NXN: variants seen among roughly 807,000 people sequenced by gnomAD.
The protein encoded by NXN is nucleoredoxin.
NXN carries 16 observed loss-of-function variants against 48.6 expected under a neutral mutation model. The observed-to-expected ratio is 0.33, with a 90% confidence interval of 0.22 to 0.50. The LOEUF (loss-of-function observed/expected upper bound fraction) is 0.50, where lower values mean the gene tolerates loss of function less well. Among genes scored for constraint, NXN ranks in the 20% least tolerant of loss-of-function variants. The pLI, the probability that NXN is intolerant of heterozygous loss-of-function variation, is 0.98. For synonymous variants in NXN, 281 were observed against 269.6 expected (o/e 1.04, Z -0.41); for missense variants, 492 against 605.5 (o/e 0.81, Z 1.97).
chr17:886,073 A>C (rs1247270827), intron 1 of NXN, among the ~76,000 whole-genome samples: 2 of 151,978 alleles, frequency 1.3e-5, no homozygotes, highest in African/African-American at 4.8e-5. Context: ...ACCACACAAA[A>C]GGCACAAAGA....
At chr17:801,403 C>T (rs1318115911) in intron 7 of NXN, among the ~76,000 whole-genome samples, 1 of 149,306 alleles carries the variant, frequency 6.7e-6, no homozygotes, top group African/African-American at 2.5e-5. Context: ...AGCATCAACA[C>T]CATTTTAATA....
intron 1 of NXN, chr17:863,903 G>C: frequency 1.4e-6 from 2 of 1,407,790 alleles, no homozygotes; most frequent in South Asian, 2.5e-5. Flanking sequence ...CTCTGTAGAG[G>C]TTTATGTCAG....
intron 1 of NXN, among the ~76,000 whole-genome samples, chr17:937,340 G>A (rs117663314): frequency 0.027 from 4,116 of 152,106 alleles, 77 homozygotes; most frequent in Non-Finnish European, 0.041. Context: ...AGAGGGAAGC[G>A]GCCAGAGGAA....
At chr17:882,340 G>GTCC (rs1292878490) in intron 1 of NXN, among the ~76,000 whole-genome samples, 1 of 151,968 alleles carries the variant, frequency 6.6e-6, no homozygotes, top group East Asian at 1.9e-4. Flanking sequence ...AAACCTGGCA[G>GTCC]TCCTTCCCCA....
chr17:820,335 G>A (rs917092859), intron 4 of NXN, among the ~76,000 whole-genome samples: 5 of 152,210 alleles, frequency 3.3e-5, no homozygotes, highest in African/African-American at 9.6e-5. Context: ...ACTGTGGCCA[G>A]GCGTGGTGGC....
At chr17:822,486 C>T (rs778481153) in intron 3 of NXN, 29 bp from the exon 4 acceptor site, 64 of 1,532,166 alleles carry the variant, frequency 4.2e-5, no homozygotes, top group East Asian at 3.4e-4. Flanking sequence ...AGACCCGCTG[C>T]GTCACGCTGC....
intron 1 of NXN, among the ~76,000 whole-genome samples, chr17:976,437 C>G (rs538675736): frequency 1.3e-5 from 2 of 152,072 alleles, no homozygotes; most frequent in Non-Finnish European, 2.9e-5. Flanking sequence ...AAGAAGTATA[C>G]GCATGGGCTT....
At chr17:809,980 T>C (rs77302313) in intron 5 of NXN, among the ~76,000 whole-genome samples, 6,984 of 97,016 alleles carry the variant, frequency 0.072, 260 homozygotes, top group East Asian at 0.12. Context: ...ACGTTACGAG[T>C]CTGTGAGTGG....
At chr17:970,637 C>A (rs1296510229) in intron 1 of NXN, among the ~76,000 whole-genome samples, 1 of 152,104 alleles carries the variant, frequency 6.6e-6, no homozygotes, top group Non-Finnish European at 1.5e-5. Context: ...CTCCTCCATG[C>A]GGAACGTTTG....
intron 1 of NXN, among the ~76,000 whole-genome samples, chr17:924,609 C>T (rs562952675): frequency 2.0e-5 from 3 of 152,158 alleles, no homozygotes; most frequent in Non-Finnish European, 4.4e-5. Flanking sequence ...TCCGGTGGAC[C>T]GTCCTGCAGC....
At chr17:875,010 C>A (rs12185252) in intron 1 of NXN, among the ~76,000 whole-genome samples, 35,003 of 152,066 alleles carry the variant, frequency 0.23, 4,283 homozygotes, top group Middle Eastern at 0.35. Context: ...CCATAAAACA[C>A]TGCTTTATAT....
chr17:816,852 C>T (rs969482934), intron 5 of NXN, among the ~76,000 whole-genome samples: 2 of 152,146 alleles, frequency 1.3e-5, no homozygotes, highest in Non-Finnish European at 2.9e-5. Context: ...CTATTCAGGA[C>T]CACTGGCGTA....
intron 1 of NXN, among the ~76,000 whole-genome samples, chr17:856,505 T>TTTTTTTTTG (rs1490959130): frequency 7.2e-6 from 1 of 138,410 alleles, no homozygotes; most frequent in Non-Finnish European, 1.6e-5. Flanking sequence ...TTTTTTTTTT[T>TTTTTTTTTG]TTTGAGACTG....
chr17:929,370 G>A (rs563455363), intron 1 of NXN, among the ~76,000 whole-genome samples: 1 of 152,202 alleles, frequency 6.6e-6, no homozygotes, highest in Non-Finnish European at 1.5e-5. Context: ...CGTTTTGACT[G>A]TGCACGAAAC....
intron 1 of NXN, chr17:878,091 C>G (rs545556120): frequency 6.6e-6 from 1 of 151,704 alleles, no homozygotes; most frequent in African/African-American, 2.4e-5. Flanking sequence ...AGAATGCAGG[C>G]AATGACGCCG....
At chr17:959,913 T>C (rs2069217134) in intron 1 of NXN, among the ~76,000 whole-genome samples, 2 of 151,568 alleles carry the variant, frequency 1.3e-5, no homozygotes, top group Non-Finnish European at 2.9e-5. Context: ...GCCAACACAA[T>C]GAAACCCTGT....
At chr17:939,503 G>T (rs1427634874) in intron 1 of NXN, among the ~76,000 whole-genome samples, 6 of 151,958 alleles carry the variant, frequency 3.9e-5, no homozygotes, top group Non-Finnish European at 5.9e-5. Flanking sequence ...CCGCCACCAC[G>T]CCTAATTAAT....
At chr17:843,830 C>T (rs774820073) in intron 1 of NXN, among the ~76,000 whole-genome samples, 2 of 152,186 alleles carry the variant, frequency 1.3e-5, no homozygotes, top group African/African-American at 4.8e-5. Context: ...GGCCATCACA[C>T]GGGTTCGACC....
At chr17:971,189 G>A (rs181605502) in intron 1 of NXN, among the ~76,000 whole-genome samples, 7 of 152,030 alleles carry the variant, frequency 4.6e-5, no homozygotes, top group East Asian at 3.9e-4. Flanking sequence ...CAGGTGATCC[G>A]CCCACCTCGG....
Sources: allele counts gnomAD v4.1 joint callset (sites outside exome capture counted in the v4.1 genomes callset), GRCh38; gene constraint gnomAD v4.1.1; transcripts MANE v1.5; gene names NCBI Gene and HGNC (gene_info 2026-07-23, HGNC 2026-07-21).